PLEKHS1: variants seen among roughly 807,000 people sequenced by gnomAD.
The protein encoded by PLEKHS1 is pleckstrin homology domain containing S1.
PLEKHS1 carries 55 observed loss-of-function variants against 51.0 expected under a neutral mutation model. That is an observed-to-expected ratio of 1.08 (90% CI 0.87 to 1.35). The LOEUF is 1.35. PLEKHS1 is among the 40% of genes most tolerant of loss of function. PLEKHS1 has a pLI of 0.00. For synonymous variants in PLEKHS1, 153 were observed against 144.8 expected, an observed-to-expected ratio of 1.06 and a Z score of -0.41; for missense variants, 398 against 423.0, an observed-to-expected ratio of 0.94 and a Z score of 0.52.
chr10:113,766,591 T>G (rs763160661), intron 3 of PLEKHS1, 21 bp from the exon 4 acceptor site: 1 of 1,595,146 alleles, frequency 6.3e-7, no homozygotes. Context: ...AACTAAGACA[T>G]AAAATCTTTT....
At chr10:113,778,621 C>A (rs942217710) in intron 11 of PLEKHS1, among the ~76,000 whole-genome samples, 1 of 149,796 alleles carries the variant, frequency 6.7e-6, no homozygotes, top group Non-Finnish European at 1.5e-5. Flanking sequence ...AGTGGCAGGG[C>A]AAGTACACAT....
chr10:113,772,464 G>A (rs535614329), intron 8 of PLEKHS1, among the ~76,000 whole-genome samples: 7 of 152,234 alleles, frequency 4.6e-5, no homozygotes, highest in African/African-American at 1.7e-4. Flanking sequence ...AGAATAATAT[G>A]AGCCAAGGTC....
In PLEKHS1 at chr10:113,767,436, A is replaced by C. The variant is rs373783132; in HGVS notation, c.316A>C (p.Ile106Leu). 1 of 1,613,420 alleles carries C rather than the reference A, an allele frequency of 6.2e-7. No homozygotes were observed. Among genetic ancestry groups the C allele is most frequent in the Admixed American group, 1.7e-5 (1 of 59,878 alleles). The stretch of plus-strand genomic sequence containing the variant: ...ATGCCACCCTGATGAGGTCATGTCC[A>C]TCAGAACCACTAACAGGGAATACTT... The change falls in exon 5 of 12, where the codon ATC becomes CTC. Residue 106 changes from isoleucine to leucine, a missense_variant. Physicochemically the swap from Ile to Leu is conservative, Grantham distance 5 (BLOSUM62 2). Coordinates refer to ENST00000361048, the Ensembl canonical transcript of PLEKHS1.
chr10:113,766,051 G>A (rs1312654693), intron 2 of PLEKHS1, among the ~76,000 whole-genome samples: 1 of 152,188 alleles, frequency 6.6e-6, no homozygotes, highest in Admixed American at 6.5e-5. Flanking sequence ...AATAGCAGGT[G>A]CTTTTGCTCT....
At chr10:113,772,720 C>G (rs552549901) in intron 8 of PLEKHS1, among the ~76,000 whole-genome samples, 1 of 152,260 alleles carries the variant, frequency 6.6e-6, no homozygotes, top group African/African-American at 2.4e-5. Context: ...CTATCAGAGT[C>G]AAGGAAGGCT....
intron 11 of PLEKHS1, chr10:113,777,721 C>G: frequency 6.7e-7 from 1 of 1,497,204 alleles, no homozygotes; most frequent in Admixed American, 2.2e-5. Flanking sequence ...TTTACTTCTA[C>G]TACAACTGAC....
At chr10:113,772,342 A>G (rs1844452098) in intron 8 of PLEKHS1, among the ~76,000 whole-genome samples, 1 of 152,176 alleles carries the variant, frequency 6.6e-6, no homozygotes, top group South Asian at 2.1e-4. Context: ...GATGACTTTC[A>G]AACAAAAGAT....
intron 2 of PLEKHS1, among the ~76,000 whole-genome samples, chr10:113,764,474 T>G (rs1844076802): frequency 6.6e-6 from 1 of 152,182 alleles, no homozygotes; most frequent in South Asian, 2.1e-4. Flanking sequence ...TTTCTTGTCT[T>G]TTTTCTGTAT....
At chr10:113,756,600 T>C (rs1227839054) in intron 2 of PLEKHS1, among the ~76,000 whole-genome samples, 1 of 152,160 alleles carries the variant, frequency 6.6e-6, no homozygotes, top group Non-Finnish European at 1.5e-5. Flanking sequence ...ATGTAAGTAG[T>C]AATGAGAATC....
At chr10:113,752,271 G>C (rs1853877210) in intron 1 of PLEKHS1, among the ~76,000 whole-genome samples, 1 of 152,162 alleles carries the variant, frequency 6.6e-6, no homozygotes, top group Non-Finnish European at 1.5e-5. Context: ...TTGTATCATT[G>C]TGAAAACAGT....
intron 2 of PLEKHS1, chr10:113,765,455 T>A: frequency 1.3e-6 from 1 of 775,126 alleles, no homozygotes; most frequent in East Asian, 2.4e-5. Context: ...CTCAGGTAGT[T>A]TCAGCACACA....
At chr10:113,767,442 A>G (rs973029472) in exon 5 of PLEKHS1, 19 of 1,613,438 alleles carry the variant, frequency 1.2e-5, no homozygotes, top group Non-Finnish European at 1.6e-5. Context: ...GTCCATCAGA[A>G]CCACTAACAG....
chr10:113,773,450 A>T (rs1844507578), intron 8 of PLEKHS1, among the ~76,000 whole-genome samples: 1 of 152,166 alleles, frequency 6.6e-6, no homozygotes. Context: ...ATAAATAAGT[A>T]AAAAAACTAT....
intron 11 of PLEKHS1, among the ~76,000 whole-genome samples, chr10:113,779,501 C>T (rs919943635): frequency 2.0e-5 from 3 of 149,810 alleles, no homozygotes; most frequent in Non-Finnish European, 4.4e-5. Flanking sequence ...ACCCAGGAAG[C>T]GGAGGTTGCA....
intron 5 of PLEKHS1, 87 bp downstream of exon 5, chr10:113,767,566 G>T: frequency 7.8e-7 from 1 of 1,279,952 alleles, no homozygotes. Context: ...CAATAAACAT[G>T]TTCTGAACCC....
chr10:113,776,835 G>C (rs1342760062), intron 11 of PLEKHS1, among the ~76,000 whole-genome samples: 1 of 152,148 alleles, frequency 6.6e-6, no homozygotes, highest in Non-Finnish European at 1.5e-5. Flanking sequence ...TAACAAATCA[G>C]GTACTCACAC....
chr10:113,778,371 AAC>A (rs1281455491), intron 11 of PLEKHS1, among the ~76,000 whole-genome samples: 3 of 152,224 alleles, frequency 2.0e-5, no homozygotes, highest in Non-Finnish European at 4.4e-5. Context: ...TTCCTTAAAA[AAC>A]AGTTCTTTGG....
At chr10:113,782,905 T>C (rs1259600222), downstream of PLEKHS1, 1 of 152,108 alleles carries the variant, frequency 6.6e-6, no homozygotes, top group Non-Finnish European at 1.5e-5. Flanking sequence ...CAAAGATACA[T>C]GTAAAAAAAG....
intron 7 of PLEKHS1, 148 bp from the exon 8 acceptor site, chr10:113,771,822 C>G: frequency 1.1e-6 from 1 of 909,652 alleles, no homozygotes; most frequent in South Asian, 1.8e-5. Flanking sequence ...GAGGCAAGTT[C>G]AAGTTGTGTG....
Sources: allele counts gnomAD v4.1 joint callset (sites outside exome capture counted in the v4.1 genomes callset), GRCh38; gene constraint gnomAD v4.1.1; transcripts MANE v1.5; gene names NCBI Gene and HGNC (gene_info 2026-07-23, HGNC 2026-07-21).